Variants in MYOM1 observed in about 807,000 individuals in gnomAD.
MYOM1 encodes the protein myomesin-1.
MYOM1 carries 164 observed loss-of-function variants against 205.3 expected under a neutral mutation model. That is an observed-to-expected ratio of 0.80 (90% CI 0.70 to 0.91). The LOEUF is 0.91. Ranked by LOEUF, MYOM1 falls within the 40% of genes least tolerant of loss-of-function variation. MYOM1 has a pLI of 0.00. For synonymous variants in MYOM1, 772 were observed against 789.4 expected, an observed-to-expected ratio of 0.98 and a Z score of 0.37; for missense variants, 2,011 against 2,127.3, an observed-to-expected ratio of 0.95 and a Z score of 1.08.
chr18:3,171,863 T>C (rs1400111896), intron 8 of MYOM1, among the ~76,000 whole-genome samples: 4 of 152,168 alleles, frequency 2.6e-5, no homozygotes, highest in East Asian at 1.9e-4. Context: ...ACAGAGACCA[T>C]ATGGCCCACA....
the MYOM1 span, among the ~76,000 whole-genome samples, chr18:3,232,006 T>A: frequency 6.6e-6 from 1 of 152,014 alleles, no homozygotes; most frequent in Non-Finnish European, 1.5e-5. Context: ...GTTATTTCCT[T>A]GCTTTTTTTA....
rs1238701806 is a variant in MYOM1, at chr18:3,067,169, A to G, written c.*93T>C. 2 of 1,355,352 alleles carry G rather than the reference A, an allele frequency of 1.5e-6. No individual in the cohort carries two copies. Among genetic ancestry groups the G allele is most frequent in the Admixed American group, 5.1e-5 (2 of 39,326 alleles). 84.0% of individuals were successfully genotyped at this position (1,355,352 alleles called of 1,614,324 possible). ...TATTTTCCCCTCAAGCCAGAAAATA[A>G]TAGGGAGGAGAAAGCATGAAGACGT... On this transcript the variant is annotated 3_prime_UTR_variant, in exon 38 of 38. Transcript: ENST00000356443.
the MYOM1 span, among the ~76,000 whole-genome samples, chr18:3,239,341 G>C: frequency 1.3e-5 from 2 of 152,166 alleles, no homozygotes; most frequent in African/African-American, 4.8e-5. Context: ...TGTGGTGGGG[G>C]CTCGTGAGAG....
At position 3,197,779 on chromosome 18, in the gene MYOM1, A is replaced by G. The variant is rs531974819; in HGVS notation, c.291-3821T>C. On this transcript the variant is annotated intron_variant, in intron 2 of 37. Transcript: ENST00000356443. ...TCCCAGCTACTCGGGAGGCTGAGGCAGGAGAATGGCGTGAACCTGGGAGGC... is the reference window on the plus strand; with the variant it reads ...TCCCAGCTACTCGGGAGGCTGAGGCGGGAGAATGGCGTGAACCTGGGAGGC... 7.2e-5 allele frequency among the ~76,000 whole-genome samples: 11 copies of G among 152,200 alleles called. No individual in the cohort carries two copies. The South Asian group carries it at 2.3e-3, about 32-fold the overall frequency.
At chr18:3,220,489 G>C (rs1468786583), upstream of MYOM1, among the ~76,000 whole-genome samples, 2 of 152,202 alleles carry the variant, frequency 1.3e-5, no homozygotes, top group African/African-American at 4.8e-5. Flanking sequence ...TTAGCTTCAA[G>C]CCTGAATATG....
intron 2 of MYOM1, among the ~76,000 whole-genome samples, chr18:3,206,013 G>A (rs1307374820): frequency 5.3e-5 from 8 of 152,154 alleles, no homozygotes; most frequent in African/African-American, 1.9e-4. Context: ...AGGAAGAAAG[G>A]ATGGAAGAAC....
the MYOM1 span, among the ~76,000 whole-genome samples, chr18:3,231,780 G>A: frequency 6.7e-6 from 1 of 148,828 alleles, no homozygotes; most frequent in Non-Finnish European, 1.5e-5. Context: ...TTGACCTCGT[G>A]ATCTGCCAGC....
At chr18:3,071,991 T>A (rs1160754167) in intron 36 of MYOM1, 102 bp from the exon 37 acceptor site, 1 of 949,976 alleles carries the variant, frequency 1.1e-6, no homozygotes, top group Non-Finnish European at 1.7e-6. Context: ...AGTTTCCTTC[T>A]CCTGATAGTT....
chr18:3,072,973 ATTTTTTTTTTTT>A (rs770278592), intron 36 of MYOM1, among the ~76,000 whole-genome samples: 1 of 102,446 alleles, frequency 9.8e-6, no homozygotes, highest in South Asian at 3.4e-4. Flanking sequence ...AGATGTAAGC[ATTTTTTTTTTTT>A]TTTTTTTTTT....
chr18:3,160,880 C>T (rs1321565673), intron 10 of MYOM1, among the ~76,000 whole-genome samples: 2 of 152,114 alleles, frequency 1.3e-5, no homozygotes, highest in East Asian at 1.9e-4. Context: ...CTGGCCTAAA[C>T]CTGGCAAAGA....
chr18:3,109,004 G>A (rs1234463121), intron 22 of MYOM1, among the ~76,000 whole-genome samples: 3 of 149,880 alleles, frequency 2.0e-5, no homozygotes, highest in Non-Finnish European at 4.4e-5. Flanking sequence ...TTTTTGAGAT[G>A]GAGTCTTGCT....
the MYOM1 span, among the ~76,000 whole-genome samples, chr18:3,227,465 G>A: frequency 6.6e-6 from 1 of 152,124 alleles, no homozygotes; most frequent in Non-Finnish European, 1.5e-5. Context: ...CTGGGGAAAG[G>A]GGGTAATGAG....
At chr18:3,229,849 AT>A in the MYOM1 span, among the ~76,000 whole-genome samples, 1 of 151,958 alleles carries the variant, frequency 6.6e-6, no homozygotes. Flanking sequence ...CATGCCTGTA[AT>A]CCCAGCTACT....
At chr18:3,082,564 CCTT>C (rs761979958) in intron 33 of MYOM1, among the ~76,000 whole-genome samples, 9 of 152,132 alleles carry the variant, frequency 5.9e-5, no homozygotes, top group African/African-American at 9.7e-5. Flanking sequence ...TGCCATGTGA[CCTT>C]CTTCTCAGTG....
intron 13 of MYOM1, among the ~76,000 whole-genome samples, chr18:3,147,433 TC>T (rs1418054284): frequency 6.6e-6 from 1 of 152,082 alleles, no homozygotes; most frequent in African/African-American, 2.4e-5. Flanking sequence ...TCAATGCTGT[TC>T]GGCTGAAATC....
chr18:3,197,765 C>T (rs1598763117), intron 2 of MYOM1, among the ~76,000 whole-genome samples: 2 of 151,778 alleles, frequency 1.3e-5, no homozygotes, highest in South Asian at 2.1e-4. Context: ...CCCAGCTACT[C>T]GGGAGGCTGA....
At chr18:3,199,427 T>C (rs1245468772) in intron 2 of MYOM1, among the ~76,000 whole-genome samples, 2 of 152,150 alleles carry the variant, frequency 1.3e-5, no homozygotes, top group Admixed American at 1.3e-4. Flanking sequence ...CATATATGTG[T>C]GGGAAAAATT....
At chr18:3,143,991 G>C (rs1471107235) in intron 13 of MYOM1, among the ~76,000 whole-genome samples, 3 of 150,348 alleles carry the variant, frequency 2.0e-5, no homozygotes, top group Non-Finnish European at 4.4e-5. Context: ...TGGATCACAA[G>C]GTCAGGAGAT....
At chr18:3,216,139 G>T (rs1445299096) in intron 1 of MYOM1, among the ~76,000 whole-genome samples, 1 of 152,140 alleles carries the variant, frequency 6.6e-6, no homozygotes, top group South Asian at 2.1e-4. Flanking sequence ...ATGGTGGTGG[G>T]CACCTGTAGT....
Sources: gnomAD v4.1 joint callset for allele counts (sites outside exome capture counted in the v4.1 genomes callset) on GRCh38, gnomAD v4.1.1 for gene constraint, MANE v1.5 for transcripts, NCBI Gene and HGNC (gene_info 2026-07-23, HGNC 2026-07-21) for gene names.